SDCCAG8: variants seen among roughly 807,000 people sequenced by gnomAD.
SDCCAG8 encodes the protein serologically defined colon cancer antigen 8.
SDCCAG8 carries 74 observed loss-of-function variants against 101.8 expected under a neutral mutation model. The observed-to-expected ratio is 0.73, with a 90% CI of 0.60 to 0.88. The LOEUF (loss-of-function observed/expected upper bound fraction) is 0.88. SDCCAG8 is among the 40% of genes least tolerant of loss of function. The pLI, the probability that SDCCAG8 is intolerant of heterozygous loss-of-function variation, is 0.00. For synonymous variants in SDCCAG8, 281 were observed against 292.9 expected, an observed-to-expected ratio of 0.96 and a Z score of 0.41; for missense variants, 787 against 822.6, an observed-to-expected ratio of 0.96 and a Z score of 0.53.
At chr1:243,283,730 C>A (rs2069299593) in intron 4 of SDCCAG8, among the ~76,000 whole-genome samples, 1 of 151,938 alleles carries the variant, frequency 6.6e-6, no homozygotes, top group African/African-American at 2.4e-5. Flanking sequence ...ACATAGTAAT[C>A]ATAATTATTT....
intron 16 of SDCCAG8, among the ~76,000 whole-genome samples, chr1:243,456,353 A>G (rs2083755124): frequency 6.6e-6 from 1 of 152,130 alleles, no homozygotes; most frequent in Non-Finnish European, 1.5e-5. Context: ...TGGGCTTTTC[A>G]GGTTATCAAA....
In SDCCAG8 at chr1:243,398,288, A is replaced by T. The variant is rs543041226; in HGVS notation, c.1617-17414A>T. Among the ~76,000 whole-genome samples the T allele has an allele frequency of 6.3e-4, 96 of 152,314 alleles. 1 individual carries two copies. The South Asian group carries it at 0.02, about 31-fold the overall frequency. On this transcript the variant is annotated intron_variant, in intron 13 of 17. Transcript: ENST00000366541. ...TGGCATGCTTTTGTCAGTAAATATA[A>T]AGAATTGAAATCAGATTAACAGTTA...
chr1:243,358,577 T>A (rs2076522582), intron 12 of SDCCAG8, among the ~76,000 whole-genome samples: 1 of 152,164 alleles, frequency 6.6e-6, no homozygotes, highest in Non-Finnish European at 1.5e-5. Context: ...AACATAGAGA[T>A]ATCATATGAC....
chr1:243,281,085 C>T lies in SDCCAG8; in HGVS notation c.421-5187C>T, dbSNP rs550319653. On this transcript the variant is annotated intron_variant, in intron 4 of 17. Coordinates refer to ENST00000366541, the MANE Select transcript of SDCCAG8 (RefSeq NM_006642.5). ...GGCACATATACATTAAGACTTGTAA[C>T]GTCTTCTTGGTGAATGGACCTCTTT... Among the ~76,000 whole-genome samples the T allele has an allele frequency of 6.6e-5, 10 of 152,224 alleles. No homozygotes were observed. In the East Asian group the frequency reaches 1.4e-3, roughly 21 times the overall value.
chr1:243,423,954 T>G (rs1056314845), intron 15 of SDCCAG8, among the ~76,000 whole-genome samples: 2 of 152,144 alleles, frequency 1.3e-5, no homozygotes, highest in African/African-American at 4.8e-5. Flanking sequence ...TTTCACTGTT[T>G]GTTATACGGT....
At chr1:243,273,000 T>C (rs1409867471) in intron 3 of SDCCAG8, among the ~76,000 whole-genome samples, 1 of 152,202 alleles carries the variant, frequency 6.6e-6, no homozygotes, top group Non-Finnish European at 1.5e-5. Flanking sequence ...AATATTGGCT[T>C]GAGCTTTTTA....
At chr1:243,332,512 A>G (rs1052802997) in intron 10 of SDCCAG8, among the ~76,000 whole-genome samples, 4 of 151,092 alleles carry the variant, frequency 2.6e-5, no homozygotes, top group Admixed American at 1.3e-4. Flanking sequence ...CCAGCTCTGG[A>G]GGTGATTTTC....
At chr1:243,492,208 G>A (rs1179210108) in intron 17 of SDCCAG8, among the ~76,000 whole-genome samples, 3 of 151,426 alleles carry the variant, frequency 2.0e-5, no homozygotes, top group African/African-American at 4.8e-5. Context: ...TTTTGGCCAC[G>A]AGAACCCCCA....
Position 243,313,753 on chromosome 1 carries a change from G to A in SDCCAG8, c.930-3002G>A, listed in dbSNP as rs144521818. ...GTGTCTGTACAGCTTCCCATTGTGA[G>A]AGCCTCATTCAGGTGTGGCTCTGGG... On this transcript the variant is annotated intron_variant, in intron 8 of 17. Transcript: ENST00000366541. 1.4e-3 allele frequency among the ~76,000 whole-genome samples: 217 copies of A among 152,326 alleles called. 1 individual carries two copies. The highest frequency in any genetic ancestry group is 5.0e-3 in the African/African-American group (207 of 41,586).
At chr1:243,362,449 A>G (rs1357073649) in intron 12 of SDCCAG8, among the ~76,000 whole-genome samples, 1 of 152,258 alleles carries the variant, frequency 6.6e-6, no homozygotes, top group Non-Finnish European at 1.5e-5. Flanking sequence ...TTTACTACCC[A>G]CTACCCAATG....
intron 16 of SDCCAG8, among the ~76,000 whole-genome samples, chr1:243,470,199 A>G (rs948457278): frequency 6.6e-6 from 1 of 152,138 alleles, no homozygotes; most frequent in Non-Finnish European, 1.5e-5. Context: ...TTCTGCCCAG[A>G]TGTGGCGCAA....
intron 12 of SDCCAG8, among the ~76,000 whole-genome samples, chr1:243,363,260 C>T (rs1014362501): frequency 1.3e-5 from 2 of 152,180 alleles, no homozygotes; most frequent in Non-Finnish European, 2.9e-5. Context: ...AAGAACCAGA[C>T]CATTGCCTTC....
chr1:243,376,553 C>T (rs2077608772), intron 12 of SDCCAG8, among the ~76,000 whole-genome samples: 1 of 152,160 alleles, frequency 6.6e-6, no homozygotes, highest in East Asian at 1.9e-4. Flanking sequence ...GTTATTGTTG[C>T]ATAGTGCTTA....
intron 16 of SDCCAG8, among the ~76,000 whole-genome samples, chr1:243,469,961 A>G (rs1242811718): frequency 6.6e-6 from 1 of 151,756 alleles, no homozygotes; most frequent in Non-Finnish European, 1.5e-5. Flanking sequence ...CCCATACTCA[A>G]AATATGTAAC....
intron 13 of SDCCAG8, among the ~76,000 whole-genome samples, chr1:243,405,901 G>A (rs1325551791): frequency 6.6e-6 from 1 of 151,680 alleles, no homozygotes; most frequent in Non-Finnish European, 1.5e-5. Context: ...TTATATCCTA[G>A]AAATTAATTC....
At position 243,489,042 on chromosome 1, in the gene SDCCAG8, G is replaced by T; in HGVS notation, c.2014G>T (p.Ala672Ser). ...AAGGCAGCTGGATAAGCACAGCCAG[G>T]CCACAGCCCAGCAGCTGGTGCAGCT... Reference protein sequence around the residue: ...RLRQLDKHSQATAQQLVQLLS... With the variant: ...RLRQLDKHSQSTAQQLVQLLS... Residue 672 changes from alanine (A) to serine (S), a missense_variant, in exon 17 of 18, where the codon GCC becomes TCC. Physicochemically the swap from Ala to Ser is moderately conservative, Grantham distance 99 (BLOSUM62 1). Coordinates refer to ENST00000366541, the MANE Select transcript of SDCCAG8 (RefSeq NM_006642.5). 1 of 1,613,434 alleles carries T rather than the reference G, an allele frequency of 6.2e-7. No individual in the cohort carries two copies.
At chr1:243,327,322 AAATTAT>A (rs1269803516) in intron 9 of SDCCAG8, among the ~76,000 whole-genome samples, 36 of 144,318 alleles carry the variant, frequency 2.5e-4, no homozygotes, top group African/African-American at 7.8e-4. Context: ...ATAGAAATTA[AAATTAT>A]AATTATAATT....
intron 8 of SDCCAG8, 82 bp downstream of exon 8, chr1:243,308,259 T>TA: frequency 7.4e-7 from 1 of 1,357,032 alleles, no homozygotes; most frequent in Non-Finnish European, 1.1e-6. Context: ...CTTCTAGCCC[T>TA]ATGCTAAGTC....
chr1:243,405,665 A>G (rs1416190140), intron 13 of SDCCAG8, among the ~76,000 whole-genome samples: 5 of 152,198 alleles, frequency 3.3e-5, no homozygotes, highest in Non-Finnish European at 7.3e-5. Context: ...CACATTTTAG[A>G]CATATTTCTA....
Sources: gnomAD v4.1 joint callset for allele counts (sites outside exome capture counted in the v4.1 genomes callset) on GRCh38, gnomAD v4.1.1 for gene constraint, MANE v1.5 for transcripts, NCBI Gene and HGNC (gene_info 2026-07-23, HGNC 2026-07-21) for gene names.